The following TRDN variants were observed in gnomAD, a reference collection of about 807,000 sequenced individuals.
The protein encoded by TRDN is triadin.
Under a neutral mutation model 149.7 loss-of-function variants are expected in TRDN, and 161 were observed. The ratio of observed to expected loss-of-function variants is 1.08; its 90% confidence interval spans 0.95 to 1.23. TRDN has a LOEUF of 1.23. Among genes scored for constraint, TRDN ranks in the 50% most tolerant of loss-of-function variants. The probability of loss-of-function intolerance (pLI) is 0.00; values close to 1 mark genes in which losing one functional copy is unlikely to be tolerated. For synonymous variants in TRDN, 294 were observed against 250.5 expected (o/e 1.17, Z -1.64); for missense variants, 896 against 823.5 (o/e 1.09, Z -1.08).
intron 38 of TRDN, among the ~76,000 whole-genome samples, chr6:123,240,743 T>C (rs1775959957): frequency 1.3e-5 from 2 of 151,948 alleles, no homozygotes; most frequent in African/African-American, 2.4e-5. Flanking sequence ...TAAATTTTCT[T>C]GTGCAGTGCT....
chr6:123,634,805 T>C (rs1786207384), intron 1 of TRDN, among the ~76,000 whole-genome samples: 2 of 151,906 alleles, frequency 1.3e-5, no homozygotes, highest in African/African-American at 2.4e-5. Flanking sequence ...ATAGATCCTA[T>C]GAACTGTTAA....
At chr6:123,513,814 TA>T (rs1189353331) in intron 6 of TRDN, among the ~76,000 whole-genome samples, 2 of 152,086 alleles carry the variant, frequency 1.3e-5, no homozygotes, top group East Asian at 1.9e-4. Flanking sequence ...AAATATACCA[TA>T]AAAAATATTG....
At chr6:123,597,886 T>C (rs1016552095) in intron 1 of TRDN, among the ~76,000 whole-genome samples, 1 of 152,142 alleles carries the variant, frequency 6.6e-6, no homozygotes, top group African/African-American at 2.4e-5. Flanking sequence ...TTTGTTTTAA[T>C]GAGATAATGG....
At chr6:123,618,636 C>T (rs1785226045) in intron 1 of TRDN, among the ~76,000 whole-genome samples, 1 of 152,218 alleles carries the variant, frequency 6.6e-6, no homozygotes, top group South Asian at 2.1e-4. Flanking sequence ...CATCAGTAGA[C>T]ATTGTGTGAG....
chr6:123,388,936 A>T (rs574206413), intron 13 of TRDN, among the ~76,000 whole-genome samples: 1 of 152,232 alleles, frequency 6.6e-6, no homozygotes, highest in Middle Eastern at 3.4e-3. Context: ...ATATTCCAAA[A>T]ATTATCTATG....
At chr6:123,260,659 A>AG (rs397795313) in intron 33 of TRDN, 21 bp from the exon 34 acceptor site, 2 of 1,446,662 alleles carry the variant, frequency 1.4e-6, no homozygotes, top group African/African-American at 1.5e-5. Context: ...AAAAAAAAAA[A>AG]GAATGTAGAA....
chr6:123,225,065 T>A (rs770315003), intron 38 of TRDN, among the ~76,000 whole-genome samples: 1 of 149,450 alleles, frequency 6.7e-6, no homozygotes, highest in Non-Finnish European at 1.5e-5. Flanking sequence ...AAAAAACAAA[T>A]AAATGGGCAA....
chr6:123,625,586 C>T (rs1412285382), intron 1 of TRDN, among the ~76,000 whole-genome samples: 4 of 152,072 alleles, frequency 2.6e-5, no homozygotes, highest in Non-Finnish European at 4.4e-5. Context: ...TTAAAAATAA[C>T]TAAAAGAGTA....
At chr6:123,233,950 T>C (rs1775700243) in intron 38 of TRDN, among the ~76,000 whole-genome samples, 1 of 152,096 alleles carries the variant, frequency 6.6e-6, no homozygotes, top group African/African-American at 2.4e-5. Flanking sequence ...TAATCACTTA[T>C]CATATACCAA....
intron 26 of TRDN, among the ~76,000 whole-genome samples, chr6:123,276,105 A>G (rs1450044419): frequency 6.6e-6 from 1 of 152,126 alleles, no homozygotes; most frequent in Non-Finnish European, 1.5e-5. Flanking sequence ...TCCCATTCAC[A>G]AAAGAGGAGC....
chr6:123,516,183 CTTTTT>C lies in TRDN; in HGVS notation c.503_507del (p.Glu168GlyfsTer12). 1 of 1,478,048 alleles carries C rather than the reference CTTTTT, an allele frequency of 6.8e-7. No individual in the cohort carries two copies. The highest frequency in any genetic ancestry group is 2.9e-5 in the East Asian group (1 of 34,082). 91.6% of individuals were successfully genotyped at this position (1,478,048 alleles called of 1,614,324 possible). A position where few individuals can be genotyped will look rare whatever the true frequency, so the allele number is the denominator to read the frequency against. ...TCTTTTTCTCTTACTTTTTCTTTTC[CTTTTT>C]CTTTTTCTTTGTGTGTAACTGAAAA... On this transcript the variant is annotated frameshift_variant, in exon 6 of 41. Transcript: ENST00000334268. LOFTEE classifies it high-confidence loss of function.
Position 123,377,517 on chromosome 6 carries a change from G to A in TRDN, c.1246+199C>T, listed in dbSNP as rs12202154. On this transcript the variant is annotated intron_variant, in intron 18 of 40. Transcript: ENST00000334268. ...GCTAGTTCACAGAACACACATTGAG[G>A]AGCAAGAGTGTAACATTTGGCTTTC... Among the ~76,000 whole-genome samples the A allele has an allele frequency of 0.018, 2,708 of 152,212 alleles. 40 individuals carry two copies. The highest frequency in any genetic ancestry group is 0.024 in the Non-Finnish European group (1,626 of 68,018).
At chr6:123,420,379 C>T (rs1356955658) in intron 12 of TRDN, among the ~76,000 whole-genome samples, 1 of 60,796 alleles carries the variant, frequency 1.6e-5, no homozygotes, top group Non-Finnish European at 3.0e-5. Flanking sequence ...GGCAGAGATG[C>T]AAGGATTTTT....
chr6:123,490,205 T>A (rs1303500781), intron 9 of TRDN, among the ~76,000 whole-genome samples: 3 of 152,188 alleles, frequency 2.0e-5, no homozygotes, highest in Non-Finnish European at 2.9e-5. Context: ...TATACTATAG[T>A]AGTTCCCTCT....
chr6:123,260,929 G>C (rs1420380930), intron 33 of TRDN, among the ~76,000 whole-genome samples: 1 of 151,550 alleles, frequency 6.6e-6, no homozygotes, highest in East Asian at 1.9e-4. Flanking sequence ...TCTAGTACTT[G>C]ATAGAACAAC....
intron 30 of TRDN, among the ~76,000 whole-genome samples, chr6:123,270,279 C>T (rs11757138): frequency 0.14 from 21,728 of 151,848 alleles, 1,812 homozygotes; most frequent in African/African-American, 0.22. Flanking sequence ...AATGTGAAAA[C>T]GGCCTTATGA....
intron 1 of TRDN, among the ~76,000 whole-genome samples, chr6:123,603,708 C>T (rs1784384975): frequency 6.6e-6 from 1 of 152,038 alleles, no homozygotes; most frequent in Non-Finnish European, 1.5e-5. Flanking sequence ...TGCCATTGTC[C>T]ATGTTCCATA....
intron 12 of TRDN, among the ~76,000 whole-genome samples, chr6:123,411,336 C>T (rs1055763031): frequency 3.9e-5 from 6 of 152,036 alleles, no homozygotes; most frequent in Non-Finnish European, 1.5e-5. Flanking sequence ...TGAGCCACCG[C>T]ACCCAGCCTG....
intron 1 of TRDN, among the ~76,000 whole-genome samples, chr6:123,590,039 A>G (rs2114614739): frequency 6.6e-6 from 1 of 152,294 alleles, no homozygotes; most frequent in East Asian, 1.9e-4. Context: ...GTGATAATTT[A>G]ACAATTACAA....
Sources: allele counts gnomAD v4.1 joint callset (sites outside exome capture counted in the v4.1 genomes callset), GRCh38; gene constraint gnomAD v4.1.1; transcripts MANE v1.5; gene names NCBI Gene and HGNC (gene_info 2026-07-23, HGNC 2026-07-21).